Variants in GLI2 observed in about 807,000 individuals in gnomAD.
GLI2 encodes GLI family zinc finger 2.
A neutral mutation model predicts 78.9 loss-of-function variants in GLI2; 22 were observed. The ratio of observed to expected loss-of-function variants is 0.28; its 90% CI spans 0.20 to 0.40. GLI2 has a LOEUF of 0.40. Among genes scored for constraint, GLI2 ranks in the 10% least tolerant of loss-of-function variants. GLI2 has a pLI of 1.00. For synonymous variants in GLI2, 974 were observed against 963.7 expected, an observed-to-expected ratio of 1.01 and a Z score of -0.20; for missense variants, 2,097 against 2,213.2, an observed-to-expected ratio of 0.95 and a Z score of 1.05.
chr2:120,764,411 G>GT (rs1309302358), intron 1 of GLI2, among the ~76,000 whole-genome samples: 1 of 151,992 alleles, frequency 6.6e-6, no homozygotes, highest in Admixed American at 6.6e-5. Flanking sequence ...CACTTCAGGT[G>GT]TTTCTGTGAA....
At chr2:120,907,693 T>C (rs2104802537) in intron 2 of GLI2, among the ~76,000 whole-genome samples, 1 of 152,194 alleles carries the variant, frequency 6.6e-6, no homozygotes, top group African/African-American at 2.4e-5. Context: ...CACTGTGTGG[T>C]CTTGGATGGG....
chr2:120,963,964 C>T (rs1681715169), intron 5 of GLI2, among the ~76,000 whole-genome samples: 1 of 152,206 alleles, frequency 6.6e-6, no homozygotes, highest in Non-Finnish European at 1.5e-5. Flanking sequence ...CCTGTCTGTG[C>T]CATGGGTCAG....
At chr2:120,914,114 G>C (rs1337185274) in intron 2 of GLI2, among the ~76,000 whole-genome samples, 1 of 152,248 alleles carries the variant, frequency 6.6e-6, no homozygotes, top group Non-Finnish European at 1.5e-5. Context: ...CTCCTGAAAG[G>C]GAGAATCACC....
intron 3 of GLI2, among the ~76,000 whole-genome samples, chr2:120,944,352 C>G (rs1460164692): frequency 6.6e-6 from 1 of 152,216 alleles, no homozygotes; most frequent in Non-Finnish European, 1.5e-5. Context: ...ACACTGCATG[C>G]TTTCCATGCT....
At chr2:120,966,790 A>C (rs1382768313) in intron 5 of GLI2, among the ~76,000 whole-genome samples, 1 of 152,030 alleles carries the variant, frequency 6.6e-6, no homozygotes. Flanking sequence ...GTAGGTGTGG[A>C]GTGGGGGGCT....
intron 2 of GLI2, among the ~76,000 whole-genome samples, chr2:120,852,474 G>A (rs1190829723): frequency 6.6e-6 from 1 of 152,180 alleles, no homozygotes; most frequent in Middle Eastern, 3.2e-3. Context: ...CAGATGATAT[G>A]TCGTGTCCGT....
At chr2:120,869,521 A>G (rs1172366300) in intron 2 of GLI2, among the ~76,000 whole-genome samples, 3 of 152,182 alleles carry the variant, frequency 2.0e-5, no homozygotes, top group African/African-American at 7.2e-5. Flanking sequence ...CTAGGTAATG[A>G]GCAAAAGCTA....
intron 2 of GLI2, among the ~76,000 whole-genome samples, chr2:120,811,314 C>A (rs994280634): frequency 2.0e-5 from 3 of 152,160 alleles, no homozygotes; most frequent in Non-Finnish European, 4.4e-5. Context: ...TCTGGTCATT[C>A]TATCCCCCCA....
At chr2:120,911,828 T>G in intron 2 of GLI2, among the ~76,000 whole-genome samples, 5 of 142,020 alleles carry the variant, frequency 3.5e-5, no homozygotes, top group South Asian at 2.3e-4. Flanking sequence ...GATGAGGGGG[T>G]GTGGTGGGGA....
At chr2:120,974,297 G>T (rs991323505) in intron 8 of GLI2, among the ~76,000 whole-genome samples, 7 of 152,138 alleles carry the variant, frequency 4.6e-5, no homozygotes, top group Non-Finnish European at 8.8e-5. Context: ...CATGTTCTCT[G>T]CTCAGAGGGT....
chr2:120,819,753 C>T (rs916635896), intron 2 of GLI2, among the ~76,000 whole-genome samples: 10 of 152,180 alleles, frequency 6.6e-5, no homozygotes, highest in African/African-American at 1.4e-4. Context: ...GGGCAAATAC[C>T]CCACTGGCCA....
intron 2 of GLI2, among the ~76,000 whole-genome samples, chr2:120,926,757 C>T (rs1035527804): frequency 1.3e-5 from 2 of 152,192 alleles, no homozygotes; most frequent in African/African-American, 2.4e-5. Flanking sequence ...TGGGGGCACC[C>T]GACAGCGTTT....
intron 2 of GLI2, among the ~76,000 whole-genome samples, chr2:120,854,043 C>CA (rs11420694): frequency 0.6 from 90,421 of 151,856 alleles, 27,818 homozygotes; most frequent in East Asian, 0.76. Context: ...TATTGTGTAT[C>CA]GGGGCTATAG....
rs201413039 is a variant in GLI2 at position 120,955,271 on chromosome 2, G to A, written c.484G>A (p.Gly162Arg). 6.2e-7 allele frequency: 1 copy of A among 1,611,756 alleles called. No individual in the cohort carries two copies. The highest frequency in any genetic ancestry group is 1.3e-5 in the African/African-American group (1 of 74,556). ...GGCCCAGGAGCACCTTAAGGAGAGG[G>A]GACTGTTTGGCCTTCCTGCTCCAGG... is the stretch of plus-strand genomic sequence containing the variant. The part of the protein sequence containing the change: ...DVAQEHLKER[G>R]LFGLPAPGTT... Residue 162 changes from glycine to arginine, a missense_variant, in exon 5 of 14, where the codon GGA becomes AGA. This residue lies in a region of GLI2 where 578 missense variants were observed against 612.0 expected (regional missense o/e 0.94). Transcript: ENST00000361492.
chr2:120,780,179 G>A (rs1380100582), intron 1 of GLI2, among the ~76,000 whole-genome samples: 1 of 152,086 alleles, frequency 6.6e-6, no homozygotes, highest in East Asian at 1.9e-4. Flanking sequence ...CCTGGAGTGA[G>A]CATGTGGGCG....
At chr2:120,846,234 A>G (rs966190719) in intron 2 of GLI2, among the ~76,000 whole-genome samples, 4 of 152,152 alleles carry the variant, frequency 2.6e-5, no homozygotes, top group Non-Finnish European at 4.4e-5. Flanking sequence ...GATGGAGCTA[A>G]TTACAGCATG....
chr2:120,832,030 C>T (rs968448927), intron 2 of GLI2, among the ~76,000 whole-genome samples: 1 of 152,204 alleles, frequency 6.6e-6, no homozygotes, highest in African/African-American at 2.4e-5. Context: ...TTCTTTCAAT[C>T]AGCAGTAAAC....
intron 1 of GLI2, among the ~76,000 whole-genome samples, chr2:120,756,605 A>G (rs541039830): frequency 3.8e-4 from 58 of 152,342 alleles, no homozygotes; most frequent in Admixed American, 7.2e-4. Flanking sequence ...ATTGGATAAC[A>G]TAATAAATTT....
intron 10 of GLI2, among the ~76,000 whole-genome samples, chr2:120,978,886 G>C (rs971534929): frequency 6.6e-6 from 1 of 152,244 alleles, no homozygotes; most frequent in East Asian, 1.9e-4. Flanking sequence ...CCTGCAGTTT[G>C]CTTGGCTGGG....
Sources: allele counts gnomAD v4.1 joint callset (sites outside exome capture counted in the v4.1 genomes callset), GRCh38; gene constraint gnomAD v4.1.1; regional missense constraint gnomAD v4.1.1; transcripts MANE v1.5; gene names NCBI Gene and HGNC (gene_info 2026-07-23, HGNC 2026-07-21).